Variants in DLG2 observed in about 807,000 individuals in gnomAD.
The protein encoded by DLG2 is discs large MAGUK scaffold protein 2, also known as disks large homolog 2.
DLG2 carries 45 observed loss-of-function variants against 132.5 expected under a neutral mutation model. The observed-to-expected ratio is 0.34, with a 90% CI of 0.27 to 0.44. The LOEUF (loss-of-function observed/expected upper bound fraction) is 0.44. DLG2 is among the 20% of genes least tolerant of loss of function. The pLI is 1.00. For synonymous variants in DLG2, 424 were observed against 419.6 expected (o/e 1.01, Z -0.13); for missense variants, 1,045 against 1,196.9 (o/e 0.87, Z 1.87).
chr11:84,046,778 C>T (rs2096250831), intron 11 of DLG2, among the ~76,000 whole-genome samples: 1 of 151,544 alleles, frequency 6.6e-6, no homozygotes, highest in Non-Finnish European at 1.5e-5. Context: ...TTTAAAAATG[C>T]ATAAGCTGGT....
At chr11:84,426,626 A>G (rs2098967454) in intron 7 of DLG2, among the ~76,000 whole-genome samples, 1 of 152,168 alleles carries the variant, frequency 6.6e-6, no homozygotes, top group Non-Finnish European at 1.5e-5. Context: ...TATTATTATT[A>G]TCTACGAAAG....
intron 6 of DLG2, among the ~76,000 whole-genome samples, chr11:84,853,829 T>G (rs1314603959): frequency 6.6e-6 from 1 of 152,044 alleles, no homozygotes; most frequent in Non-Finnish European, 1.5e-5. Context: ...TGAAATTTGG[T>G]TATCTGAGGA....
At chr11:85,529,066 G>C (rs1381371886) in intron 3 of DLG2, among the ~76,000 whole-genome samples, 1 of 152,176 alleles carries the variant, frequency 6.6e-6, no homozygotes, top group Non-Finnish European at 1.5e-5. Context: ...TCAAGAAAAA[G>C]ACGAATCTAC....
At chr11:85,107,535 G>A (rs771166802) in intron 6 of DLG2, among the ~76,000 whole-genome samples, 22 of 151,924 alleles carry the variant, frequency 1.4e-4, no homozygotes, top group Admixed American at 2.6e-4. Flanking sequence ...AATTCCAAGC[G>A]CCAAATGCTA....
At chr11:84,217,694 C>G (rs573166116) in intron 8 of DLG2, among the ~76,000 whole-genome samples, 1 of 152,316 alleles carries the variant, frequency 6.6e-6, no homozygotes, top group South Asian at 2.1e-4. Context: ...TTAACAGACA[C>G]ATTCCATGCT....
intron 6 of DLG2, among the ~76,000 whole-genome samples, chr11:84,835,507 C>A (rs2079632203): frequency 6.6e-6 from 1 of 151,600 alleles, no homozygotes; most frequent in African/African-American, 2.4e-5. Context: ...TAACCAGAAG[C>A]CAGGAATTGT....
chr11:84,517,039 A>G (rs1484899079), intron 7 of DLG2, among the ~76,000 whole-genome samples: 1 of 134,438 alleles, frequency 7.4e-6, no homozygotes, highest in East Asian at 2.2e-4. Context: ...AAATAAATAA[A>G]TAAATAAATA....
intron 21 of DLG2, among the ~76,000 whole-genome samples, chr11:83,484,496 G>GAGA (rs1211755696): frequency 9.5e-6 from 1 of 105,250 alleles, no homozygotes; most frequent in African/African-American, 4.1e-5. Flanking sequence ...AAATTAGAAG[G>GAGA]AGAAGACCCA....
chr11:84,823,442 CT>C (rs71465013), intron 6 of DLG2, among the ~76,000 whole-genome samples: 1 of 151,740 alleles, frequency 6.6e-6, no homozygotes, highest in Non-Finnish European at 1.5e-5. Flanking sequence ...AGCCTCTAAC[CT>C]TTTTACTTGC....
intron 3 of DLG2, chr11:85,525,000 C>A (rs538811062): frequency 3.9e-5 from 6 of 152,158 alleles, no homozygotes; most frequent in African/African-American, 1.2e-4. Context: ...CCTGGTATAA[C>A]TTCCTTCCTT....
At chr11:83,656,061 G>A (rs1352859971) in intron 18 of DLG2, among the ~76,000 whole-genome samples, 3 of 152,174 alleles carry the variant, frequency 2.0e-5, no homozygotes, top group African/African-American at 7.2e-5. Flanking sequence ...GCCATAACAT[G>A]TCTGAGATTA....
chr11:85,429,052 C>G (rs934127104), intron 3 of DLG2, among the ~76,000 whole-genome samples: 3 of 152,206 alleles, frequency 2.0e-5, no homozygotes, highest in Non-Finnish European at 2.9e-5. Context: ...TTCCTCAACA[C>G]ATACACCCTC....
chr11:84,340,197 C>A (rs1437993498), intron 7 of DLG2, among the ~76,000 whole-genome samples: 1 of 152,158 alleles, frequency 6.6e-6, no homozygotes, highest in Admixed American at 6.6e-5. Flanking sequence ...TATTTCTCAG[C>A]CAATAATCTA....
intron 7 of DLG2, among the ~76,000 whole-genome samples, chr11:84,413,616 C>T (rs1212659785): frequency 6.6e-6 from 1 of 152,200 alleles, no homozygotes; most frequent in African/African-American, 2.4e-5. Context: ...TGTTCCCAGA[C>T]TGCTTTTTGT....
At chr11:84,296,954 C>T (rs1487085556) in intron 7 of DLG2, among the ~76,000 whole-genome samples, 1 of 151,410 alleles carries the variant, frequency 6.6e-6, no homozygotes, top group Non-Finnish European at 1.5e-5. Context: ...GGGTCAAGAC[C>T]TAAAGAGGGG....
intron 6 of DLG2, among the ~76,000 whole-genome samples, chr11:84,707,501 GAA>G (rs2153750713): frequency 6.6e-6 from 1 of 151,838 alleles, no homozygotes; most frequent in East Asian, 2.0e-4. Context: ...AAGTGGAATG[GAA>G]AAGAATAAAA....
At chr11:84,317,203 T>TG in intron 7 of DLG2, 1 of 1,540,506 alleles carries the variant, frequency 6.5e-7, no homozygotes, top group South Asian at 1.3e-5. Flanking sequence ...GTCTCCTCCC[T>TG]CACACCCCTT....
intron 16 of DLG2, among the ~76,000 whole-genome samples, chr11:83,861,699 G>C (rs552777067): frequency 6.6e-6 from 1 of 152,228 alleles, no homozygotes; most frequent in Admixed American, 6.5e-5. Context: ...ATTGAGAGTA[G>C]AAGGATAGTT....
intron 4 of DLG2, among the ~76,000 whole-genome samples, chr11:85,224,790 A>G (rs1178486409): frequency 6.6e-6 from 1 of 152,202 alleles, no homozygotes; most frequent in Non-Finnish European, 1.5e-5. Flanking sequence ...AATCTTAAAG[A>G]GTTTAAAAGA....
Sources: allele counts gnomAD v4.1 joint callset (sites outside exome capture counted in the v4.1 genomes callset), GRCh38; gene constraint gnomAD v4.1.1; transcripts MANE v1.5; gene names NCBI Gene and HGNC (gene_info 2026-07-23, HGNC 2026-07-21).